The following IQANK1 variants were observed in gnomAD, a reference collection of about 807,000 sequenced individuals.
IQANK1 encodes the protein IQ motif and ankyrin repeat containing 1, also known as IQ motif and ankyrin repeat domain-containing protein 1.
Under a neutral mutation model 22.6 loss-of-function variants are expected in IQANK1, and 30 were observed. The ratio of observed to expected loss-of-function variants is 1.33; its 90% confidence interval spans 0.99 to 1.80. The LOEUF is 1.80. Ranked by LOEUF, IQANK1 falls within the 40% of genes most tolerant of loss-of-function variation. IQANK1 has a pLI of 0.00. For synonymous variants in IQANK1, 122 were observed against 99.6 expected (o/e 1.23, Z -1.34); for missense variants, 275 against 235.2 (o/e 1.17, Z -1.11).
At chr8:143,756,199 C>T (rs953647274) in intron 3 of IQANK1, among the ~76,000 whole-genome samples, 7 of 152,192 alleles carry the variant, frequency 4.6e-5, no homozygotes, top group African/African-American at 1.7e-4. Flanking sequence ...GCATTAACTA[C>T]CACCAGGAAC....
intron 3 of IQANK1, among the ~76,000 whole-genome samples, chr8:143,763,647 G>A (rs1819435266): frequency 6.6e-6 from 1 of 152,210 alleles, no homozygotes; most frequent in Non-Finnish European, 1.5e-5. Flanking sequence ...GGGCACACCT[G>A]CTTCTCCTTT....
chr8:143,739,950 TGA>T lies in IQANK1; in HGVS notation c.175+6_175+7del, dbSNP rs2129768022. 2.9e-6 allele frequency: 2 copies of T among 692,490 alleles called. No individual in the cohort carries two copies. Among genetic ancestry groups the T allele is most frequent in the Non-Finnish European group, 5.3e-6 (2 of 379,506 alleles). The allele number at this position is 692,490 out of a possible 1,614,324, so 42.9% of individuals were successfully genotyped here. ...CTGAGAGCCCACAGGCCCCCACAGG[TGA>T]GAGCCCGCACGTCCCGCGCCGCTGT... On this transcript the variant is annotated splice_donor_region_variant and intron_variant, in intron 3 of 13. Transcript: ENST00000527139.
At chr8:143,778,864 C>T (rs561039098) in intron 7 of IQANK1, among the ~76,000 whole-genome samples, 3 of 152,334 alleles carry the variant, frequency 2.0e-5, no homozygotes, top group East Asian at 1.9e-4. Context: ...CGGGTTTATG[C>T]GGTTCTCCTG....
intron 2 of IQANK1, among the ~76,000 whole-genome samples, chr8:143,737,725 G>A (rs950650140): frequency 1.4e-4 from 22 of 152,270 alleles, no homozygotes; most frequent in Middle Eastern, 3.4e-3. Context: ...GCCCCTCCAC[G>A]TGTACCCAGG....
intron 7 of IQANK1, among the ~76,000 whole-genome samples, chr8:143,779,359 T>G (rs1819752076): frequency 6.6e-6 from 1 of 152,250 alleles, no homozygotes; most frequent in Admixed American, 6.5e-5. Context: ...CCAGTATTGG[T>G]TGACCACGAT....
At chr8:143,772,681 C>T (rs1011396947) in intron 7 of IQANK1, among the ~76,000 whole-genome samples, 199 bp downstream of exon 7, 2 of 152,188 alleles carry the variant, frequency 1.3e-5, no homozygotes, top group Non-Finnish European at 2.9e-5. Context: ...GGTTTCCTAG[C>T]CCCGCCGTGC....
rs1402341249 is a variant in IQANK1 at position 143,748,630 on chromosome 8, CAT to C, written c.175+8688_175+8689del. The stretch of plus-strand genomic sequence containing the variant: ...TATAATATATAAATATATAATATAT[CAT>C]ATATAAATATATAAATATATATCAA... On this transcript the variant is annotated intron_variant, in intron 3 of 13. Transcript: ENST00000527139. 5.2e-5 allele frequency among the ~76,000 whole-genome samples: 6 copies of C among 114,706 alleles called. No individual in the cohort carries two copies. The East Asian group carries it at 7.1e-4, about 14-fold the overall frequency. The allele number at this position is 114,706 out of a possible 152,430, so 75.3% of individuals were successfully genotyped here.
intron 3 of IQANK1, among the ~76,000 whole-genome samples, chr8:143,747,811 C>G (rs1453705605): frequency 6.6e-6 from 1 of 151,836 alleles, no homozygotes. Context: ...TATGGTCTAC[C>G]CTTGAAAATA....
intron 3 of IQANK1, chr8:143,741,641 G>A (rs574052585): frequency 7.2e-5 from 11 of 152,538 alleles, no homozygotes; most frequent in African/African-American, 2.4e-4. Flanking sequence ...GGCTCAGGGC[G>A]AGGCACTTAG....
rs1423497967 is a variant in IQANK1 at position 143,758,830 on chromosome 8, G to A, written c.176-12658G>A. ...TGGAATTTCCAAGCTGCTTCACAGAGGCCAAAGATGACAACACGAGAGGTG... is the reference window on the plus strand; with the variant it reads ...TGGAATTTCCAAGCTGCTTCACAGAAGCCAAAGATGACAACACGAGAGGTG... On this transcript the variant is annotated intron_variant, in intron 3 of 13. Coordinates refer to ENST00000527139, the MANE Select transcript of IQANK1 (RefSeq NM_001381874.1). The surrounding 1 kb of genome is among the most constrained non-coding windows in gnomAD (Gnocchi z 4.2). The A allele has an allele frequency of 6.5e-6, 1 of 154,272 alleles. No homozygotes were observed. Among genetic ancestry groups the A allele is most frequent in the Non-Finnish European group, 1.4e-5 (1 of 69,512 alleles). 9.6% of individuals were successfully genotyped at this position (154,272 alleles called of 1,614,324 possible).
chr8:143,759,801 A>T (rs940307789), intron 3 of IQANK1: 1 of 152,222 alleles, frequency 6.6e-6, no homozygotes, highest in Admixed American at 6.5e-5. Context: ...ATTTGAGTTC[A>T]TTAACCTGGT....
In IQANK1 at chr8:143,772,242, A is replaced by C; in HGVS notation, c.662A>C (p.Lys221Thr). Residue 221 changes from lysine (K) to threonine (T), a missense_variant and splice_region_variant, in exon 6 of 14, where the codon AAG (lysine) becomes ACG (threonine). Lys to Thr is a moderately conservative substitution (Grantham distance 78). Coordinates refer to ENST00000527139, the MANE Select transcript of IQANK1 (RefSeq NM_001381874.1). ...RAELGASPNSKGAFGPTPLYR... is the reference protein window; with the variant it reads ...RAELGASPNSTGAFGPTPLYR... ...GAGCTCGGCGCCAGCCCCAACAGCA[A>C]GGTGGGCGCCGTGGGCCGCGGGCCG... The C allele has an allele frequency of 2.5e-6, 1 of 396,676 alleles. No homozygotes were observed. The highest frequency in any genetic ancestry group is 4.4e-6 in the Non-Finnish European group (1 of 224,828). The allele number at this position is 396,676 out of a possible 1,614,324, so 24.6% of individuals were successfully genotyped here. A position where few individuals can be genotyped will look rare whatever the true frequency, so the allele number is the denominator to read the frequency against.
intron 3 of IQANK1, among the ~76,000 whole-genome samples, chr8:143,748,829 T>TA (rs1554627611): frequency 0.044 from 5,031 of 113,446 alleles, 270 homozygotes; most frequent in Non-Finnish European, 0.061. Flanking sequence ...TAAATATATA[T>TA]TTCATATATA....
intron 7 of IQANK1, among the ~76,000 whole-genome samples, chr8:143,788,646 C>T (rs903169722): frequency 5.9e-5 from 9 of 152,206 alleles, no homozygotes; most frequent in Non-Finnish European, 1.2e-4. Context: ...GAAGGAAGCC[C>T]TTGGAGGCCC....
At chr8:143,788,297 A>AC (rs1554631670) in intron 7 of IQANK1, among the ~76,000 whole-genome samples, 1 of 151,424 alleles carries the variant, frequency 6.6e-6, no homozygotes, top group Non-Finnish European at 1.5e-5. Flanking sequence ...CCTCACTGTG[A>AC]CCCCCTCCAA....
At chr8:143,777,149 C>T (rs1463190641) in intron 7 of IQANK1, among the ~76,000 whole-genome samples, 1 of 151,466 alleles carries the variant, frequency 6.6e-6, no homozygotes, top group Non-Finnish European at 1.5e-5. Context: ...TATATACACA[C>T]ACATATATAT....
chr8:143,738,779 A>G (rs892347488), intron 2 of IQANK1, among the ~76,000 whole-genome samples: 1 of 152,088 alleles, frequency 6.6e-6, no homozygotes, highest in East Asian at 1.9e-4. Context: ...CAGGAGCTGC[A>G]TCCTGGTCGC....
intron 2 of IQANK1, among the ~76,000 whole-genome samples, chr8:143,736,626 A>C (rs914298767): frequency 6.6e-6 from 1 of 152,044 alleles, no homozygotes; most frequent in Non-Finnish European, 1.5e-5. Context: ...CAGTCTAAGC[A>C]TGTGTTCTCT....
Position 143,786,315 on chromosome 8 carries a change from A to T in IQANK1, c.790-2600A>T, listed in dbSNP as rs551143166. On this transcript the variant is annotated intron_variant, in intron 7 of 13. Coordinates refer to ENST00000527139, the MANE Select transcript of IQANK1 (RefSeq NM_001381874.1). The stretch of plus-strand genomic sequence containing the variant: ...TCAGAGATTAAGATGATTTGAAGCT[A>T]AGCTGAAGTCAACCTCACTCGGAGG... Among the ~76,000 whole-genome samples, 194 of 152,222 alleles carry T rather than the reference A, an allele frequency of 1.3e-3. 1 individual carries two copies. Among genetic ancestry groups the T allele is most frequent in the Middle Eastern group, 3.2e-3 (1 of 316 alleles).
Sources: allele counts gnomAD v4.1 joint callset (sites outside exome capture counted in the v4.1 genomes callset), GRCh38; gene constraint gnomAD v4.1.1; non-coding constraint Gnocchi (gnomAD v3.1); transcripts MANE v1.5; gene names NCBI Gene and HGNC (gene_info 2026-07-23, HGNC 2026-07-21).